SAXO1: variants seen among roughly 807,000 people sequenced by gnomAD.
The protein encoded by SAXO1 is 4930500O09Rik.
SAXO1 carries 21 observed loss-of-function variants against 17.5 expected under a neutral mutation model. That is an observed-to-expected ratio of 1.20 (90% confidence interval 0.85 to 1.72). The LOEUF is 1.72. Ranked by LOEUF, SAXO1 falls within the 40% of genes most tolerant of loss-of-function variation. SAXO1 has a pLI of 0.00. For missense variants in SAXO1, 843 were observed against 596.0 expected (o/e 1.41, Z -4.32); for synonymous variants, 274 against 216.5 (o/e 1.27, Z -2.33).
chr9:19,007,011 C>G lies in SAXO1; in HGVS notation c.38+25860G>C, dbSNP rs1834507453. Among the ~76,000 whole-genome samples the G allele has an allele frequency of 2.0e-5, 3 of 151,558 alleles. 1 individual carries two copies. The South Asian group carries it at 6.3e-4, about 32-fold the overall frequency. On this transcript the variant is annotated intron_variant, in intron 1 of 3. Transcript: ENST00000380534. ...AGTGAGATGAGATTGCACCACTGCA[C>G]TCCAGCCTGGGTAACACAGTGAGAC...
At chr9:18,937,805 C>T (rs1462146123) in intron 3 of SAXO1, among the ~76,000 whole-genome samples, 1 of 152,120 alleles carries the variant, frequency 6.6e-6, no homozygotes, top group Non-Finnish European at 1.5e-5. Flanking sequence ...CTTGAACTTC[C>T]CAGCCTTCAG....
At chr9:19,018,060 T>G (rs569727001) in intron 1 of SAXO1, among the ~76,000 whole-genome samples, 1 of 151,918 alleles carries the variant, frequency 6.6e-6, no homozygotes, top group East Asian at 1.9e-4. Context: ...CTCAGCTACC[T>G]GGGAGGCTGA....
chr9:18,975,547 A>G (rs1833112847), intron 1 of SAXO1, among the ~76,000 whole-genome samples: 1 of 152,228 alleles, frequency 6.6e-6, no homozygotes, highest in South Asian at 2.1e-4. Context: ...GGCAGTTATG[A>G]TTTGCACTTG....
At chr9:19,025,666 A>T (rs1835441351) in intron 1 of SAXO1, among the ~76,000 whole-genome samples, 1 of 152,234 alleles carries the variant, frequency 6.6e-6, no homozygotes, top group Admixed American at 6.5e-5. Context: ...TTCATGATAC[A>T]TTAACCAGTC....
intron 1 of SAXO1, among the ~76,000 whole-genome samples, chr9:18,991,932 G>A (rs1440546404): frequency 1.3e-5 from 2 of 152,126 alleles, no homozygotes; most frequent in African/African-American, 4.8e-5. Context: ...AAACTCAAGA[G>A]ACTGCTAAGT....
intron 1 of SAXO1, chr9:19,027,785 G>A: frequency 2.0e-6 from 3 of 1,509,534 alleles, no homozygotes; most frequent in South Asian, 1.2e-5. Flanking sequence ...GAACCAGCTG[G>A]ATGGCTTCCA....
In SAXO1 at chr9:19,040,251, G is replaced by T. The variant is rs537757594; in HGVS notation, c.-158+8958C>A. On this transcript the variant is annotated intron_variant, in intron 1 of 3. Transcript: ENST00000542071. ...TTTTGTTAAGAAACAGCAAATGAAT[G>T]GTTTAGGATTTCAAATACTGATACC... 3.3e-5 allele frequency among the ~76,000 whole-genome samples: 5 copies of T among 152,256 alleles called. No homozygotes were observed. In the East Asian group the frequency reaches 9.6e-4, roughly 29 times the overall value.
intron 1 of SAXO1, among the ~76,000 whole-genome samples, chr9:19,009,309 AC>A: frequency 6.6e-6 from 1 of 152,138 alleles, no homozygotes; most frequent in South Asian, 2.1e-4. Context: ...AAACTAAGTC[AC>A]CCCAACCATC....
chr9:19,026,600 G>A (rs1437129815), intron 1 of SAXO1, among the ~76,000 whole-genome samples: 1 of 152,200 alleles, frequency 6.6e-6, no homozygotes, highest in African/African-American at 2.4e-5. Flanking sequence ...AGGGAAAAGA[G>A]AGGCTAAAAT....
At chr9:19,010,855 AATTAC>A (rs1834703211) in intron 1 of SAXO1, among the ~76,000 whole-genome samples, 1 of 152,176 alleles carries the variant, frequency 6.6e-6, no homozygotes, top group African/African-American at 2.4e-5. Flanking sequence ...TATTAGACCC[AATTAC>A]TATAATTACC....
At chr9:19,043,239 T>C (rs769587906) in intron 1 of SAXO1, among the ~76,000 whole-genome samples, 1 of 152,170 alleles carries the variant, frequency 6.6e-6, no homozygotes, top group Non-Finnish European at 1.5e-5. Context: ...ATCCTGTCAT[T>C]TGCAACAACA....
chr9:18,934,452 C>T (rs1255660997), intron 3 of SAXO1, among the ~76,000 whole-genome samples: 3 of 152,106 alleles, frequency 2.0e-5, no homozygotes, highest in African/African-American at 7.2e-5. Flanking sequence ...CTGTTGAGCC[C>T]CTCTAACGAA....
intron 1 of SAXO1, among the ~76,000 whole-genome samples, chr9:19,025,923 A>G (rs1835451702): frequency 1.3e-5 from 2 of 152,102 alleles, no homozygotes; most frequent in Non-Finnish European, 2.9e-5. Flanking sequence ...GTTGGACCAG[A>G]GCCTTCATAT....
intron 3 of SAXO1, among the ~76,000 whole-genome samples, chr9:18,934,024 G>A (rs1383537244): frequency 2.0e-5 from 3 of 152,076 alleles, no homozygotes; most frequent in Admixed American, 6.6e-5. Context: ...TCCAGCCTGA[G>A]TGACAGAGCG....
At chr9:19,017,023 A>G (rs765217140) in intron 1 of SAXO1, among the ~76,000 whole-genome samples, 2 of 151,904 alleles carry the variant, frequency 1.3e-5, no homozygotes, top group Non-Finnish European at 2.9e-5. Flanking sequence ...ATGCAGACCA[A>G]TTGGGCCTGG....
chr9:19,036,570 G>A (rs1010378104), upstream of SAXO1, among the ~76,000 whole-genome samples: 11 of 152,142 alleles, frequency 7.2e-5, no homozygotes, highest in African/African-American at 2.7e-4. Flanking sequence ...ATAGAGCTTG[G>A]GCCATGGCTT....
At chr9:18,939,780 T>C (rs568329315) in intron 3 of SAXO1, among the ~76,000 whole-genome samples, 1 of 152,340 alleles carries the variant, frequency 6.6e-6, no homozygotes, top group East Asian at 1.9e-4. Flanking sequence ...TATGATTTGA[T>C]AAAATAATGA....
At chr9:18,986,787 G>A (rs1351133995) in intron 1 of SAXO1, among the ~76,000 whole-genome samples, 1 of 152,146 alleles carries the variant, frequency 6.6e-6, no homozygotes, top group African/African-American at 2.4e-5. Context: ...ATCTAAGAGG[G>A]CACTGTTCAC....
intron 1 of SAXO1, among the ~76,000 whole-genome samples, chr9:19,007,410 T>TA: frequency 6.6e-6 from 1 of 152,164 alleles, no homozygotes; most frequent in Middle Eastern, 3.2e-3. Flanking sequence ...TTATCACATT[T>TA]AAAAAAACAA....
Sources: allele counts gnomAD v4.1 joint callset (sites outside exome capture counted in the v4.1 genomes callset), GRCh38; gene constraint gnomAD v4.1.1; transcripts MANE v1.5; gene names NCBI Gene and HGNC (gene_info 2026-07-23, HGNC 2026-07-21).